Variants in LPAR1 observed in about 807,000 individuals in gnomAD.
LPAR1 encodes the protein LPA receptor 1.
A neutral mutation model predicts 23.8 loss-of-function variants in LPAR1; 5 were observed. The observed-to-expected ratio is 0.21, with a 90% confidence interval of 0.11 to 0.44. The LOEUF (loss-of-function observed/expected upper bound fraction) is 0.44, where lower values mean the gene tolerates loss of function less well. Ranked by LOEUF, LPAR1 falls within the 20% of genes least tolerant of loss-of-function variation. The pLI, the probability that LPAR1 is intolerant of heterozygous loss-of-function variation, is 0.99. For synonymous variants in LPAR1, 160 were observed against 164.7 expected, an observed-to-expected ratio of 0.97 and a Z score of 0.22; for missense variants, 311 against 482.8, an observed-to-expected ratio of 0.64 and a Z score of 3.33.
intron 2 of LPAR1, among the ~76,000 whole-genome samples, chr9:110,987,566 C>T (rs1443410597): frequency 1.3e-5 from 2 of 151,580 alleles, no homozygotes; most frequent in South Asian, 2.1e-4. Flanking sequence ...TAAACTCTTT[C>T]GCTATTGCAA....
intron 5 of LPAR1, among the ~76,000 whole-genome samples, chr9:110,890,894 C>G (rs1203680820): frequency 6.6e-6 from 1 of 152,138 alleles, no homozygotes; most frequent in African/African-American, 2.4e-5. Context: ...CCACCACCAA[C>G]AAATCAAAAT....
intron 5 of LPAR1, among the ~76,000 whole-genome samples, chr9:110,896,989 G>A (rs745383295): frequency 3.0e-4 from 46 of 151,996 alleles, no homozygotes; most frequent in African/African-American, 2.2e-4. Flanking sequence ...GGGTTTCACC[G>A]TGTTAGCCAG....
At chr9:111,010,956 T>C (rs2097320356) in intron 2 of LPAR1, among the ~76,000 whole-genome samples, 1 of 152,236 alleles carries the variant, frequency 6.6e-6, no homozygotes, top group African/African-American at 2.4e-5. Context: ...TCTGCAGTGC[T>C]TTCCAAATTC....
chr9:110,933,411 T>A lies in LPAR1; in HGVS notation c.793+8010A>T, dbSNP rs1169015638. 6.9e-4 allele frequency among the ~76,000 whole-genome samples: 105 copies of A among 152,232 alleles called. 2 individuals carry two copies. The highest frequency in any genetic ancestry group is 6.9e-3 in the Admixed American group (105 of 15,282). ...ATACTTGCTACCATTAAGTGTCTTC[T>A]GTAAGCCACATGTATGTGCTTTACA... On this transcript the variant is annotated intron_variant, in intron 5 of 5. Coordinates refer to ENST00000683809, the MANE Select transcript of LPAR1 (RefSeq NM_001351411.2).
At chr9:110,961,492 C>T (rs1315536570) in intron 4 of LPAR1, among the ~76,000 whole-genome samples, 3 of 151,398 alleles carry the variant, frequency 2.0e-5, no homozygotes, top group Non-Finnish European at 4.4e-5. Flanking sequence ...TAGTGGCACA[C>T]ACTTGTAGTC....
At chr9:110,966,015 T>G (rs1488046038) in intron 4 of LPAR1, among the ~76,000 whole-genome samples, 1 of 152,056 alleles carries the variant, frequency 6.6e-6, no homozygotes, top group East Asian at 1.9e-4. Flanking sequence ...CTCAGCAAAC[T>G]AACACAGGAA....
chr9:110,964,845 A>G (rs2096143910), intron 4 of LPAR1, among the ~76,000 whole-genome samples: 1 of 138,320 alleles, frequency 7.2e-6, no homozygotes, highest in Non-Finnish European at 1.6e-5. Context: ...ACAAACAGAC[A>G]CCAATCACTT....
chr9:110,877,735 A>T (rs868126426), intron 5 of LPAR1, among the ~76,000 whole-genome samples: 1 of 152,194 alleles, frequency 6.6e-6, no homozygotes, highest in Non-Finnish European at 1.5e-5. Context: ...CAAAGCTCTA[A>T]TTGAGTTCAA....
chr9:110,922,489 C>T (rs1381687048), intron 5 of LPAR1, among the ~76,000 whole-genome samples: 1 of 152,186 alleles, frequency 6.6e-6, no homozygotes, highest in Non-Finnish European at 1.5e-5. Context: ...CAGGTGCATA[C>T]ATACCTTAGT....
At chr9:110,913,426 CATA>C (rs370587633) in intron 5 of LPAR1, among the ~76,000 whole-genome samples, 54 of 152,202 alleles carry the variant, frequency 3.5e-4, no homozygotes, top group African/African-American at 1.3e-3. Context: ...GCCAACCTGT[CATA>C]ATATACATAC....
chr9:110,947,903 A>C (rs1041123601), intron 4 of LPAR1, among the ~76,000 whole-genome samples: 1 of 123,880 alleles, frequency 8.1e-6, no homozygotes, highest in Non-Finnish European at 1.7e-5. Context: ...ATGCTGATAA[A>C]GAACTAGTAA....
At chr9:111,038,848 C>T (rs186007373), upstream of LPAR1, 111 of 324,600 alleles carry the variant, frequency 3.4e-4, 1 homozygote, top group African/African-American at 2.4e-3. The surrounding 1 kb of genome is among the most constrained non-coding windows in gnomAD (Gnocchi z 4.4). Flanking sequence ...TCGGGTCCCA[C>T]CCCCGCCCCT....
At chr9:111,002,287 C>T (rs2097142400) in intron 2 of LPAR1, among the ~76,000 whole-genome samples, 1 of 152,140 alleles carries the variant, frequency 6.6e-6, no homozygotes, top group South Asian at 2.1e-4. Context: ...GTTTAATTTA[C>T]TTAAAAAAGG....
chr9:110,950,483 A>C (rs1195033287), intron 4 of LPAR1, among the ~76,000 whole-genome samples: 2 of 138,484 alleles, frequency 1.4e-5, no homozygotes, highest in African/African-American at 5.4e-5. Context: ...AAAAAAAAAA[A>C]CTGGAAATTT....
At chr9:111,008,417 C>T (rs1452290904) in intron 2 of LPAR1, among the ~76,000 whole-genome samples, 1 of 151,998 alleles carries the variant, frequency 6.6e-6, no homozygotes, top group African/African-American at 2.4e-5. Context: ...CAAAAGTAAT[C>T]AAGAAATCAA....
At chr9:111,035,012 A>C (rs1191117884) in intron 2 of LPAR1, among the ~76,000 whole-genome samples, 1 of 152,182 alleles carries the variant, frequency 6.6e-6, no homozygotes, top group East Asian at 1.9e-4. Context: ...CTTGGACTCT[A>C]CAGCTACCAC....
At chr9:111,002,815 C>T (rs1441178096) in intron 2 of LPAR1, among the ~76,000 whole-genome samples, 1 of 152,032 alleles carries the variant, frequency 6.6e-6, no homozygotes, top group South Asian at 2.1e-4. Context: ...CATCAAAAGT[C>T]GAAAGCGCTG....
chr9:110,995,600 G>A (rs561831879), intron 2 of LPAR1, among the ~76,000 whole-genome samples: 9 of 152,112 alleles, frequency 5.9e-5, no homozygotes, highest in Non-Finnish European at 1.2e-4. Flanking sequence ...CAGCTGGGTC[G>A]AGGATATGTA....
intron 5 of LPAR1, among the ~76,000 whole-genome samples, chr9:110,933,757 C>A: frequency 6.6e-6 from 1 of 152,214 alleles, no homozygotes; most frequent in East Asian, 1.9e-4. Context: ...CTCGGCCAGA[C>A]AAGGCCTGAA....
Sources: allele counts gnomAD v4.1 joint callset (sites outside exome capture counted in the v4.1 genomes callset), GRCh38; gene constraint gnomAD v4.1.1; non-coding constraint Gnocchi (gnomAD v3.1); transcripts MANE v1.5; gene names NCBI Gene and HGNC (gene_info 2026-07-23, HGNC 2026-07-21).